Variants in EDAR observed in about 807,000 individuals in gnomAD.
EDAR encodes the protein ectodysplasin A receptor.
EDAR carries 38 observed loss-of-function variants against 51.3 expected under a neutral mutation model. That is an observed-to-expected ratio of 0.74 (90% CI 0.57 to 0.97). EDAR has a LOEUF of 0.97. EDAR is among the 50% of genes least tolerant of loss of function. The probability of loss-of-function intolerance (pLI) is 0.00; values close to 1 mark genes in which losing one functional copy is unlikely to be tolerated. For missense variants in EDAR, 528 were observed against 595.0 expected, an observed-to-expected ratio of 0.89 and a Z score of 1.17; for synonymous variants, 227 against 242.1, an observed-to-expected ratio of 0.94 and a Z score of 0.58.
At chr2:108,911,503 T>C (rs1453500365) in intron 6 of EDAR, among the ~76,000 whole-genome samples, 1 of 152,200 alleles carries the variant, frequency 6.6e-6, no homozygotes, top group Non-Finnish European at 1.5e-5. Context: ...TTTGGCTCCA[T>C]CTTGCACCTC....
chr2:108,943,047 CAT>C (rs1288197269), intron 1 of EDAR, among the ~76,000 whole-genome samples: 1 of 152,206 alleles, frequency 6.6e-6, no homozygotes, highest in Admixed American at 6.5e-5. Flanking sequence ...ATAACCATTA[CAT>C]GTCCCTTTCA....
chr2:108,960,368 C>G (rs1435172121), intron 1 of EDAR, among the ~76,000 whole-genome samples: 3 of 152,222 alleles, frequency 2.0e-5, no homozygotes, highest in African/African-American at 7.2e-5. Context: ...TCTATGTTCT[C>G]AAGACGCTCT....
chr2:108,912,889 G>A, intron 5 of EDAR, 125 bp from the exon 6 acceptor site: 1 of 767,326 alleles, frequency 1.3e-6, no homozygotes, highest in Admixed American at 2.0e-5. Context: ...GCTGAGGGGA[G>A]CTAAATATTT....
chr2:108,938,180 A>C (rs1697512942), intron 1 of EDAR, among the ~76,000 whole-genome samples: 1 of 152,212 alleles, frequency 6.6e-6, no homozygotes, highest in African/African-American at 2.4e-5. Flanking sequence ...ATCTGTTCAC[A>C]TCTCATCTTT....
At chr2:108,973,418 G>A (rs2104448190) in intron 1 of EDAR, among the ~76,000 whole-genome samples, 1 of 152,358 alleles carries the variant, frequency 6.6e-6, no homozygotes, top group Middle Eastern at 3.4e-3. Context: ...AGACCTGGGA[G>A]GTCTGGGCTC....
chr2:108,942,773 C>G (rs1267606318), intron 1 of EDAR, among the ~76,000 whole-genome samples: 1 of 152,244 alleles, frequency 6.6e-6, no homozygotes. Context: ...CACGAAGGTT[C>G]GTGCCCTGAG....
chr2:108,897,285 A>C, intron 11 of EDAR, 56 bp from the exon 12 acceptor site: 1 of 1,469,650 alleles, frequency 6.8e-7, no homozygotes, highest in Non-Finnish European at 9.4e-7. Flanking sequence ...ATAGAAGGTC[A>C]ACACTGAAAA....
In EDAR at chr2:108,907,842, C is replaced by A. The variant is rs750121854; in HGVS notation, c.963+18G>T. 1 of 1,613,256 alleles carries A rather than the reference C, an allele frequency of 6.2e-7. No individual in the cohort carries two copies. The highest frequency in any genetic ancestry group is 1.7e-5 in the Admixed American group (1 of 60,022). ...AGCCACATCTCACAGCTCATCATGG[C>A]ACCTGCAGGAGCCTCACCCCGGCTG... On this transcript the variant is annotated intron_variant, in intron 10 of 11. Coordinates refer to ENST00000258443, the MANE Select transcript of EDAR (RefSeq NM_022336.4).
At chr2:108,986,220 G>C (rs543727592) in intron 1 of EDAR, among the ~76,000 whole-genome samples, 4 of 152,138 alleles carry the variant, frequency 2.6e-5, no homozygotes, top group African/African-American at 9.6e-5. Flanking sequence ...GCCTATATTT[G>C]ACAGTTTTTT....
intron 9 of EDAR, among the ~76,000 whole-genome samples, chr2:108,908,267 G>A (rs1026435208): frequency 6.6e-6 from 1 of 152,128 alleles, no homozygotes; most frequent in Non-Finnish European, 1.5e-5. Flanking sequence ...CGTCTAAGGG[G>A]CTGGGGCTGC....
intron 1 of EDAR, among the ~76,000 whole-genome samples, chr2:108,973,028 C>T (rs976281396): frequency 1.3e-5 from 2 of 152,010 alleles, no homozygotes; most frequent in African/African-American, 4.8e-5. Flanking sequence ...CTCTTGTCAT[C>T]CAGGCTAGAC....
At chr2:108,975,027 T>C (rs1315117584) in intron 1 of EDAR, among the ~76,000 whole-genome samples, 2 of 152,194 alleles carry the variant, frequency 1.3e-5, no homozygotes, top group Non-Finnish European at 1.5e-5. Context: ...ACTGCCTTTC[T>C]ACCTGGCCTG....
intron 1 of EDAR, among the ~76,000 whole-genome samples, chr2:108,953,378 T>C (rs944554347): frequency 2.0e-5 from 3 of 152,202 alleles, no homozygotes; most frequent in Non-Finnish European, 4.4e-5. Context: ...TCTGGTATCC[T>C]GTTCCACAAA....
chr2:108,896,839 A>T lies in EDAR; in HGVS notation c.*68T>A, dbSNP rs897053285. 1 of 1,492,196 alleles carries T rather than the reference A, an allele frequency of 6.7e-7. No homozygotes were observed. The allele number at this position is 1,492,196 out of a possible 1,614,324, so 92.4% of individuals were successfully genotyped here. On this transcript the variant is annotated 3_prime_UTR_variant, in exon 12 of 12. Transcript: ENST00000258443. ...TGATTCTTGGCAGTCTTTTGGCACC[A>T]CTCACAGCTCCAGAGCCCTCGTTGG...
Position 108,941,221 on chromosome 2 carries a change from T to C in EDAR, c.-18-10189A>G, listed in dbSNP as rs148210962. Among the ~76,000 whole-genome samples the C allele has an allele frequency of 4.9e-3, 751 of 152,366 alleles. 4 individuals carry two copies. Among genetic ancestry groups the C allele is most frequent in the Non-Finnish European group, 7.6e-3 (517 of 68,034 alleles). On this transcript the variant is annotated intron_variant, in intron 1 of 11. Coordinates refer to ENST00000258443, the MANE Select transcript of EDAR (RefSeq NM_022336.4). ...CACTGCATTCGTAAACCACAATGTT[T>C]CTCCATTTGCCCATTCCATTTGTTT...
chr2:108,987,776 T>C (rs1331964956), intron 1 of EDAR, among the ~76,000 whole-genome samples: 2 of 152,196 alleles, frequency 1.3e-5, no homozygotes, highest in Non-Finnish European at 2.9e-5. Context: ...ACGTGGACTG[T>C]CATCGGAACG....
intron 10 of EDAR, among the ~76,000 whole-genome samples, chr2:108,907,295 T>C (rs945891400): frequency 2.6e-5 from 4 of 152,204 alleles, no homozygotes; most frequent in African/African-American, 9.7e-5. Flanking sequence ...TTCCAAGTGA[T>C]TTTACCTTTT....
At position 108,958,490 on chromosome 2, in the gene EDAR, T is replaced by G. The variant is rs118144472; in HGVS notation, c.-18-27458A>C. 8.2e-3 allele frequency among the ~76,000 whole-genome samples: 1,188 copies of G among 144,696 alleles called. 8 individuals carry two copies. Among genetic ancestry groups the G allele is most frequent in the South Asian group, 0.03 (136 of 4,536 alleles). 94.9% of individuals were successfully genotyped at this position (144,696 alleles called of 152,430 possible). ...AGCTGAGGCAGAAGGCTCACAAGGG[T>G]GCGTTTGTTCAGGCAGGGGGCAGAA... On this transcript the variant is annotated intron_variant, in intron 1 of 11. Coordinates refer to ENST00000258443, the MANE Select transcript of EDAR (RefSeq NM_022336.4).
chr2:108,933,208 C>A (rs145886119), intron 1 of EDAR, among the ~76,000 whole-genome samples: 1,705 of 152,328 alleles, frequency 0.011, 20 homozygotes, highest in Non-Finnish European at 0.017. Flanking sequence ...TGGAGCGATG[C>A]CTGCTGAACT....
Sources: gnomAD v4.1 joint callset for allele counts (sites outside exome capture counted in the v4.1 genomes callset) on GRCh38, gnomAD v4.1.1 for gene constraint, MANE v1.5 for transcripts, NCBI Gene and HGNC (gene_info 2026-07-23, HGNC 2026-07-21) for gene names.